GRK5: variants seen among roughly 807,000 people sequenced by gnomAD.
GRK5 encodes the protein G protein-coupled receptor kinase 5.
GRK5 carries 40 observed loss-of-function variants against 78.4 expected under a neutral mutation model. The observed-to-expected ratio is 0.51, with a 90% confidence interval of 0.40 to 0.66. GRK5 has a LOEUF of 0.66. GRK5 is among the 30% of genes least tolerant of loss of function. The probability of loss-of-function intolerance (pLI) is 0.00; values close to 1 mark genes in which losing one functional copy is unlikely to be tolerated. For missense variants in GRK5, 598 were observed against 759.9 expected (o/e 0.79, Z 2.50); for synonymous variants, 289 against 296.8 (o/e 0.97, Z 0.27).
chr10:119,243,745 G>A (rs1449298390), intron 1 of GRK5, among the ~76,000 whole-genome samples: 3 of 152,130 alleles, frequency 2.0e-5, no homozygotes, highest in Admixed American at 1.3e-4. Context: ...GGGAAGGATG[G>A]TGGGGGTCAT....
Position 119,253,436 on chromosome 10 carries a change from G to C in GRK5, c.52+45467G>C, listed in dbSNP as rs1015010163. On this transcript the variant is annotated intron_variant, in intron 1 of 15. Transcript: ENST00000392870. This position sits in a 1 kb window ranked among gnomAD's most constrained non-coding sequence, Gnocchi z 5.7. ...AGCCTCCCCACCACCCCTGCCCTCC[G>C]TTCCTTTTATATTTAAATCAGAAGC... Among the ~76,000 whole-genome samples the C allele has an allele frequency of 1.3e-5, 2 of 152,148 alleles. No individual in the cohort carries two copies. The highest frequency in any genetic ancestry group is 2.9e-5 in the Non-Finnish European group (2 of 68,032).
chr10:119,396,653 T>G, intron 3 of GRK5, 42 bp from the exon 4 acceptor site: 19 of 1,516,164 alleles, frequency 1.3e-5, no homozygotes, highest in Admixed American at 1.7e-5. Context: ...AAGAAGCTCA[T>G]GAGCAAACCT....
At chr10:119,442,614 C>A (rs557448401) in intron 11 of GRK5, among the ~76,000 whole-genome samples, 1 of 152,320 alleles carries the variant, frequency 6.6e-6, no homozygotes, top group East Asian at 1.9e-4. Flanking sequence ...CTAGAATCCC[C>A]CGTCCAATTG....
intron 2 of GRK5, among the ~76,000 whole-genome samples, chr10:119,364,623 A>G (rs1281861578): frequency 6.6e-6 from 1 of 152,192 alleles, no homozygotes; most frequent in Non-Finnish European, 1.5e-5. Context: ...CTTATCTAGT[A>G]CAAAATGCAG....
chr10:119,212,009 A>C (rs901991717), intron 1 of GRK5, among the ~76,000 whole-genome samples: 6 of 152,228 alleles, frequency 3.9e-5, no homozygotes, highest in African/African-American at 1.2e-4. Context: ...GCATACGTGG[A>C]GGCATACGTA....
chr10:119,284,382 C>T (rs1849813480), intron 1 of GRK5, among the ~76,000 whole-genome samples: 1 of 152,128 alleles, frequency 6.6e-6, no homozygotes. Flanking sequence ...AAACAGTTCT[C>T]TCACCTTGAC....
intron 1 of GRK5, among the ~76,000 whole-genome samples, chr10:119,321,120 T>G (rs1156944538): frequency 2.0e-5 from 3 of 152,216 alleles, no homozygotes; most frequent in African/African-American, 7.2e-5. Flanking sequence ...CAGGTTTTGT[T>G]TGTTGTTAAG....
At chr10:119,381,715 A>T (rs552027217) in intron 3 of GRK5, among the ~76,000 whole-genome samples, 165 of 152,270 alleles carry the variant, frequency 1.1e-3, no homozygotes, top group African/African-American at 3.9e-3. Context: ...AGAGGAGTGG[A>T]GAGCGGTCAT....
intron 1 of GRK5, among the ~76,000 whole-genome samples, chr10:119,218,548 T>G (rs532347425): frequency 4.6e-4 from 70 of 152,306 alleles, no homozygotes; most frequent in African/African-American, 1.4e-3. Flanking sequence ...TGGGTCCTGC[T>G]TGGTCTTAAT....
rs565699500 is a variant in GRK5 at position 119,436,563 on chromosome 10, C to T, written c.739-88C>T. 3 of 1,337,776 alleles carry T rather than the reference C, an allele frequency of 2.2e-6. No individual in the cohort carries two copies. The South Asian group carries it at 3.8e-5, about 17-fold the overall frequency. The allele number at this position is 1,337,776 out of a possible 1,614,324, so 82.9% of individuals were successfully genotyped here. On this transcript the variant is annotated intron_variant, in intron 8 of 15. Transcript: ENST00000392870. ...AGGGTGAGGCTCCTCTGTTCCCTCA[C>T]ACCCCAGCTCCCAGGATCCTGAGGA...
chr10:119,320,186 G>A (rs1850560339), intron 1 of GRK5, among the ~76,000 whole-genome samples: 1 of 152,234 alleles, frequency 6.6e-6, no homozygotes, highest in South Asian at 2.1e-4. Context: ...GTGGCCAGGT[G>A]GCTGGATGTA....
chr10:119,214,035 C>T (rs910399676), intron 1 of GRK5, among the ~76,000 whole-genome samples: 3 of 152,160 alleles, frequency 2.0e-5, no homozygotes, highest in African/African-American at 4.8e-5. Flanking sequence ...ACTGCAGTGG[C>T]GCAGTCTGGG....
intron 6 of GRK5, among the ~76,000 whole-genome samples, 172 bp downstream of exon 6, chr10:119,425,257 G>GCACACACATA (rs1554920920): frequency 1.1e-5 from 1 of 92,462 alleles, no homozygotes; most frequent in East Asian, 3.2e-4. Context: ...GCTTATTCAA[G>GCACACACATA]CACACACACA....
At chr10:119,344,099 T>TAAC (rs917346791) in intron 2 of GRK5, among the ~76,000 whole-genome samples, 1 of 150,140 alleles carries the variant, frequency 6.7e-6, no homozygotes, top group Non-Finnish European at 1.5e-5. Flanking sequence ...TGGCGGGGGG[T>TAAC]AACAGATCCT....
chr10:119,324,885 G>C (rs892231612), intron 1 of GRK5, among the ~76,000 whole-genome samples: 3 of 151,770 alleles, frequency 2.0e-5, no homozygotes, highest in Non-Finnish European at 4.4e-5. Flanking sequence ...CACCACGGCA[G>C]GTGCCGCCTC....
chr10:119,223,386 C>G (rs1295127595), intron 1 of GRK5, among the ~76,000 whole-genome samples: 1 of 152,114 alleles, frequency 6.6e-6, no homozygotes, highest in Non-Finnish European at 1.5e-5. Context: ...CGCAGTGAAC[C>G]CTGGAACACA....
In GRK5 at chr10:119,218,742, T is replaced by C. The variant is rs115931800; in HGVS notation, c.52+10773T>C. Reference sequence around the variant, plus strand: ...CAAGCCAAATGCTGTTGTGGGTTGATGCCACTACCCCTGCTGTCACAGATT... The same window carrying C: ...CAAGCCAAATGCTGTTGTGGGTTGACGCCACTACCCCTGCTGTCACAGATT... On this transcript the variant is annotated intron_variant, in intron 1 of 15. Transcript: ENST00000392870. Among the ~76,000 whole-genome samples the C allele has an allele frequency of 7.9e-3, 1,200 of 152,302 alleles. 11 individuals carry two copies. The highest frequency in any genetic ancestry group is 0.021 in the African/African-American group (863 of 41,576).
At chr10:119,327,398 G>T (rs183952833) in intron 2 of GRK5, among the ~76,000 whole-genome samples, 1 of 152,166 alleles carries the variant, frequency 6.6e-6, no homozygotes, top group Non-Finnish European at 1.5e-5. Flanking sequence ...CCTGGGGTGG[G>T]TCCTTCCCCA....
intron 1 of GRK5, among the ~76,000 whole-genome samples, chr10:119,307,329 T>C (rs968811400): frequency 2.0e-5 from 3 of 152,136 alleles, no homozygotes; most frequent in Non-Finnish European, 4.4e-5. Context: ...TCCGAATCCC[T>C]GCAACTTGTG....
Sources: allele counts gnomAD v4.1 joint callset (sites outside exome capture counted in the v4.1 genomes callset), GRCh38; gene constraint gnomAD v4.1.1; non-coding constraint Gnocchi (gnomAD v3.1); transcripts MANE v1.5; gene names NCBI Gene and HGNC (gene_info 2026-07-23, HGNC 2026-07-21).